CAMK2B: variants seen among roughly 807,000 people sequenced by gnomAD.
CAMK2B encodes calcium/calmodulin dependent protein kinase II beta, also known as calcium/calmodulin-dependent protein kinase type II subunit beta.
A neutral mutation model predicts 93.7 loss-of-function variants in CAMK2B; 27 were observed. The ratio of observed to expected loss-of-function variants is 0.29; its 90% CI spans 0.21 to 0.40. CAMK2B has a LOEUF of 0.40. Ranked by LOEUF, CAMK2B falls within the 10% of genes least tolerant of loss-of-function variation. The pLI, the probability that CAMK2B is intolerant of heterozygous loss-of-function variation, is 1.00. For synonymous variants in CAMK2B, 374 were observed against 358.8 expected, an observed-to-expected ratio of 1.04 and a Z score of -0.48; for missense variants, 568 against 895.8, an observed-to-expected ratio of 0.63 and a Z score of 4.67.
At chr7:44,294,943 C>T (rs10224124) in intron 1 of CAMK2B, among the ~76,000 whole-genome samples, 44,834 of 152,070 alleles carry the variant, frequency 0.29, 8,177 homozygotes, top group Non-Finnish European at 0.41. Flanking sequence ...ACTTTCTGTC[C>T]CACCTGGGAT....
At chr7:44,240,576 G>T in intron 12 of CAMK2B, 131 bp downstream of exon 12, 1 of 1,031,664 alleles carries the variant, frequency 9.7e-7, no homozygotes, top group Non-Finnish European at 1.5e-6. Context: ...GGGTCTCAGA[G>T]CTGAGGGCAG....
chr7:44,275,683 A>G (rs1405280256), intron 2 of CAMK2B, among the ~76,000 whole-genome samples: 2 of 152,170 alleles, frequency 1.3e-5, no homozygotes, highest in East Asian at 1.9e-4. Context: ...ACATCTTTTG[A>G]TTGTAAATCA....
At chr7:44,324,306 G>A (rs879564927) in intron 1 of CAMK2B, among the ~76,000 whole-genome samples, 1 of 152,176 alleles carries the variant, frequency 6.6e-6, no homozygotes, top group African/African-American at 2.4e-5. Flanking sequence ...GACGGAGGAG[G>A]ATGGGGGAGG....
At chr7:44,307,251 G>T (rs1412278715) in intron 1 of CAMK2B, among the ~76,000 whole-genome samples, 5 of 142,406 alleles carry the variant, frequency 3.5e-5, no homozygotes, top group Admixed American at 6.9e-5. Context: ...TGAGCAGAGG[G>T]AAGAGGGTGT....
chr7:44,319,697 A>C (rs1795612981), intron 1 of CAMK2B, among the ~76,000 whole-genome samples: 1 of 152,194 alleles, frequency 6.6e-6, no homozygotes, highest in South Asian at 2.1e-4. Context: ...CCTGATTTCA[A>C]ATATAGCATC....
At chr7:44,279,878 C>G (rs1256166072) in intron 2 of CAMK2B, among the ~76,000 whole-genome samples, 1 of 152,164 alleles carries the variant, frequency 6.6e-6, no homozygotes, top group African/African-American at 2.4e-5. Context: ...CCTACTCATC[C>G]CTCAACGCCC....
At chr7:44,258,418 C>T (rs546777725) in intron 4 of CAMK2B, among the ~76,000 whole-genome samples, 142 of 152,374 alleles carry the variant, frequency 9.3e-4, no homozygotes, top group African/African-American at 3.3e-3. Flanking sequence ...TGCAAACACC[C>T]ACACACATAC....
chr7:44,286,893 G>A lies in CAMK2B; in HGVS notation c.66-2668C>T, dbSNP rs1487396477. ...AGTGGGAGCACCAGGCCGCACAGCT[G>A]TAGTGACATAGGATGTGGCAGGCAC... On this transcript the variant is annotated intron_variant, in intron 1 of 23. Transcript: ENST00000395749. This position sits in a 1 kb window ranked among gnomAD's most constrained non-coding sequence, Gnocchi z 4.0. Among the ~76,000 whole-genome samples the A allele has an allele frequency of 6.6e-6, 1 of 152,142 alleles. No individual in the cohort carries two copies. The highest frequency in any genetic ancestry group is 1.5e-5 in the Non-Finnish European group (1 of 68,010).
rs1394033840 is a variant in CAMK2B at position 44,311,140 on chromosome 7, C to A, written c.65+14217G>T. ...CCAGGCTGGAGTGCAATGGCGTGAT[C>A]TCGGCTCACTGCAACCTCTGCAACC... On this transcript the variant is annotated intron_variant, in intron 1 of 23. Transcript: ENST00000395749. The surrounding 1 kb of genome is among the most constrained non-coding windows in gnomAD (Gnocchi z 4.2). 6.6e-6 allele frequency among the ~76,000 whole-genome samples: 1 copy of A among 152,144 alleles called. No homozygotes were observed. The highest frequency in any genetic ancestry group is 1.5e-5 in the Non-Finnish European group (1 of 68,036).
intron 2 of CAMK2B, among the ~76,000 whole-genome samples, chr7:44,264,390 A>G (rs571078338): frequency 2.0e-5 from 3 of 152,102 alleles, no homozygotes; most frequent in Non-Finnish European, 4.4e-5. Flanking sequence ...GCCTGCAAAC[A>G]CGCATATGTC....
chr7:44,279,917 C>T (rs1290447447), intron 2 of CAMK2B, among the ~76,000 whole-genome samples: 2 of 152,196 alleles, frequency 1.3e-5, no homozygotes, highest in Non-Finnish European at 2.9e-5. Context: ...AGTGAACGAG[C>T]ACAAGACAGG....
At chr7:44,229,125 A>C in intron 18 of CAMK2B, 1 of 650,342 alleles carries the variant, frequency 1.5e-6, no homozygotes. Context: ...CCGACCCTGA[A>C]GACTGGAATT....
At chr7:44,314,135 A>G (rs1460137000) in intron 1 of CAMK2B, among the ~76,000 whole-genome samples, 1 of 152,200 alleles carries the variant, frequency 6.6e-6, no homozygotes, top group Non-Finnish European at 1.5e-5. Flanking sequence ...GATTTAATTC[A>G]TATACCAAAC....
In CAMK2B at chr7:44,226,574, C is replaced by T. The variant is rs747373796; in HGVS notation, c.1539G>A (p.Ser513=). 160 of 1,475,192 alleles carry T rather than the reference C, an allele frequency of 1.1e-4. No individual in the cohort carries two copies. Among genetic ancestry groups the T allele is most frequent in the Middle Eastern group, 7.3e-4 (4 of 5,462 alleles). 91.4% of individuals were successfully genotyped at this position (1,475,192 alleles called of 1,614,324 possible). The stretch of plus-strand genomic sequence containing the variant: ...ATGGGCAGGGCGGGGGCCCCACTGG[C>T]GAGGGGCCCTCGGCTTCTGGGGTCC... ...GSGTPEAEGP[S]PVGPPPCPSP... Residue 513 remains serine, a synonymous_variant, in exon 20 of 24, where the codon TCG becomes TCA. Coordinates refer to ENST00000395749, the MANE Select transcript of CAMK2B (RefSeq NM_001220.5).
rs1791511355 is a variant in CAMK2B, at chr7:44,306,365, AT to A, written c.65+18991del. On this transcript the variant is annotated intron_variant, in intron 1 of 23. Transcript: ENST00000395749. ...TTCTCCGTTCTCTCAGGTGAACCAT[AT>A]CCTCCAGAAATCTTCAGCAACAAAT... Among the ~76,000 whole-genome samples, 4 of 152,306 alleles carry A rather than the reference AT, an allele frequency of 2.6e-5. No homozygotes were observed. In the South Asian group the frequency reaches 8.3e-4, roughly 32 times the overall value.
intron 6 of CAMK2B, among the ~76,000 whole-genome samples, chr7:44,244,547 C>T (rs1200515549): frequency 6.6e-6 from 1 of 152,012 alleles, no homozygotes; most frequent in South Asian, 2.1e-4. Context: ...CTGGTGAGTA[C>T]CCCGCTGTCC....
intron 20 of CAMK2B, among the ~76,000 whole-genome samples, chr7:44,223,658 T>G (rs1452197971): frequency 7.3e-6 from 1 of 137,068 alleles, no homozygotes; most frequent in African/African-American, 2.8e-5. Flanking sequence ...GCCTCTCCCC[T>G]GCCTCATGCC....
At chr7:44,287,307 G>A (rs1442102324) in intron 1 of CAMK2B, among the ~76,000 whole-genome samples, 1 of 152,054 alleles carries the variant, frequency 6.6e-6, no homozygotes. Context: ...GTATGCTTAA[G>A]TCTCCCACCC....
intron 19 of CAMK2B, among the ~76,000 whole-genome samples, chr7:44,227,721 G>A (rs1348177029): frequency 3.1e-5 from 1 of 32,302 alleles, no homozygotes; most frequent in Non-Finnish European, 5.5e-5. Flanking sequence ...GTGGGTGTGG[G>A]GGACAGAGGG....
Sources: gnomAD v4.1 joint callset for allele counts (sites outside exome capture counted in the v4.1 genomes callset) on GRCh38, gnomAD v4.1.1 for gene constraint, Gnocchi (gnomAD v3.1) non-coding constraint, MANE v1.5 for transcripts, NCBI Gene and HGNC (gene_info 2026-07-23, HGNC 2026-07-21) for gene names.